IKZF3: variants seen among roughly 807,000 people sequenced by gnomAD.
The protein encoded by IKZF3 is IKAROS family zinc finger 3, also known as zinc finger protein Aiolos.
Under a neutral mutation model 49.0 loss-of-function variants are expected in IKZF3, and 10 were observed. The ratio of observed to expected loss-of-function variants is 0.20; its 90% confidence interval spans 0.13 to 0.35. The LOEUF (loss-of-function observed/expected upper bound fraction) is 0.35, where lower values mean the gene tolerates loss of function less well. IKZF3 is among the 10% of genes least tolerant of loss of function. IKZF3 has a pLI of 1.00. For synonymous variants in IKZF3, 209 were observed against 228.2 expected (o/e 0.92, Z 0.76); for missense variants, 498 against 664.8 (o/e 0.75, Z 2.76).
rs1329519923 is a variant in IKZF3, at chr17:39,762,913, G to A, written c.*2877C>T. 6.6e-6 allele frequency: 1 copy of A among 152,030 alleles called. No individual in the cohort carries two copies. The highest frequency in any genetic ancestry group is 1.9e-4 in the East Asian group (1 of 5,182). The allele number at this position is 152,030 out of a possible 1,614,324, so 9.4% of individuals were successfully genotyped here. The stretch of plus-strand genomic sequence containing the variant: ...AAACAAAAGAAAACAAAAAAAGTTG[G>A]TCTCCTCTGCAAAGACTTGAACACT... On this transcript the variant is annotated 3_prime_UTR_variant, in exon 8 of 8. Coordinates refer to ENST00000346872, the MANE Select transcript of IKZF3 (RefSeq NM_012481.5).
intron 3 of IKZF3, among the ~76,000 whole-genome samples, chr17:39,802,338 A>T (rs2061340380): frequency 6.6e-6 from 1 of 151,664 alleles, no homozygotes; most frequent in African/African-American, 2.4e-5. Context: ...CAGGTGCAAT[A>T]GCTTACATCT....
At chr17:39,784,015 G>A (rs2143798082) in intron 6 of IKZF3, among the ~76,000 whole-genome samples, 1 of 152,332 alleles carries the variant, frequency 6.6e-6, no homozygotes, top group Middle Eastern at 3.4e-3. Flanking sequence ...GGTCTGCTAA[G>A]TTGGTAAAAA....
intron 2 of IKZF3, among the ~76,000 whole-genome samples, chr17:39,830,489 G>A (rs1271236697): frequency 6.6e-6 from 1 of 152,172 alleles, no homozygotes; most frequent in Admixed American, 6.5e-5. Flanking sequence ...GTGAAAGGGA[G>A]CAGACATAAT....
At chr17:39,849,775 C>T (rs1421483846) in intron 1 of IKZF3, among the ~76,000 whole-genome samples, 1 of 151,960 alleles carries the variant, frequency 6.6e-6, no homozygotes, top group South Asian at 2.1e-4. Context: ...AATTACTCAT[C>T]AGGAAAATGC....
intron 3 of IKZF3, among the ~76,000 whole-genome samples, chr17:39,817,082 G>GT (rs2061694807): frequency 1.3e-5 from 2 of 152,218 alleles, no homozygotes; most frequent in African/African-American, 4.8e-5. Context: ...CTCTAGTTGG[G>GT]TAAAGCCTTT....
At chr17:39,843,124 A>G (rs2062528318) in intron 1 of IKZF3, among the ~76,000 whole-genome samples, 1 of 152,192 alleles carries the variant, frequency 6.6e-6, no homozygotes, top group Admixed American at 6.5e-5. Flanking sequence ...ACGAAAAGCA[A>G]TGTGTGATCC....
At chr17:39,855,456 T>A (rs9900538) in intron 1 of IKZF3, among the ~76,000 whole-genome samples, 1 of 152,136 alleles carries the variant, frequency 6.6e-6, no homozygotes, top group Non-Finnish European at 1.5e-5. Context: ...CTCCCCAAAT[T>A]GGATTACGTG....
intron 1 of IKZF3, among the ~76,000 whole-genome samples, chr17:39,848,570 A>C (rs1043134276): frequency 2.6e-5 from 4 of 152,258 alleles, no homozygotes; most frequent in Non-Finnish European, 5.9e-5. Flanking sequence ...TGGAGCCAAA[A>C]ATAGAATCAT....
At chr17:39,808,796 G>A (rs1441898984) in intron 3 of IKZF3, among the ~76,000 whole-genome samples, 1 of 152,240 alleles carries the variant, frequency 6.6e-6, no homozygotes, top group Non-Finnish European at 1.5e-5. Flanking sequence ...CTGATGGTAA[G>A]TAAGGAATAG....
In IKZF3 at chr17:39,765,964, A is replaced by T; in HGVS notation, c.1356T>A (p.Tyr452Ter). ...AGAGGACGCGGCAGTGGTCACACCGATACACATCCATCACCTCCCCTTCCT... is the reference window on the plus strand; with the variant it reads ...AGAGGACGCGGCAGTGGTCACACCGTTACACATCCATCACCTCCCCTTCCT... ...INKEGEVMDV[Y>*]RCDHCRVLFL... The change falls in exon 8 of 8, where the codon TAT becomes TAA. Residue 452 changes from tyrosine (Y) to a stop codon, truncating the protein, a stop_gained. Coordinates refer to ENST00000346872, the MANE Select transcript of IKZF3 (RefSeq NM_012481.5). LOFTEE classifies it high-confidence loss of function. 6.2e-7 allele frequency: 1 copy of T among 1,614,196 alleles called. No homozygotes were observed.
At position 39,813,056 on chromosome 17, in the gene IKZF3, C is replaced by T. The variant is rs560270431; in HGVS notation, c.163+16331G>A. ...GGTGGAGCTTGCAGGGAGCCCAGTT[C>T]GCACCACTGCACTCCAGCCTGGGCG... is the stretch of plus-strand genomic sequence containing the variant. On this transcript the variant is annotated intron_variant, in intron 3 of 7. Transcript: ENST00000346872. Among the ~76,000 whole-genome samples, 183 of 151,662 alleles carry T rather than the reference C, an allele frequency of 1.2e-3. 1 individual carries two copies. In the Middle Eastern group the frequency reaches 0.031, roughly 26 times the overall value.
At chr17:39,815,826 C>T (rs1423272880) in intron 3 of IKZF3, among the ~76,000 whole-genome samples, 1 of 152,158 alleles carries the variant, frequency 6.6e-6, no homozygotes, top group East Asian at 1.9e-4. Flanking sequence ...TTCTTCATTT[C>T]TTCTGCTTTC....
chr17:39,811,177 C>T (rs947339810), intron 3 of IKZF3, among the ~76,000 whole-genome samples: 1 of 148,512 alleles, frequency 6.7e-6, no homozygotes, highest in Non-Finnish European at 1.5e-5. Flanking sequence ...GTCAAGGCTA[C>T]AGTGAACTGT....
intron 1 of IKZF3, among the ~76,000 whole-genome samples, chr17:39,844,796 A>G (rs2062580869): frequency 6.6e-6 from 1 of 151,878 alleles, no homozygotes; most frequent in African/African-American, 2.4e-5. Flanking sequence ...CTAATTTTGT[A>G]TTTTTAGTAG....
Position 39,829,473 on chromosome 17 carries a change from A to G in IKZF3, c.77T>C (p.Leu26Ser), listed in dbSNP as rs2144286488. 1.9e-6 allele frequency: 3 copies of G among 1,613,082 alleles called. No homozygotes were observed. The highest frequency in any genetic ancestry group is 2.5e-6 in the Non-Finnish European group (3 of 1,179,030). The change falls in exon 3 of 8, where the codon TTG becomes TCG. Residue 26 changes from leucine (L) to serine (S), a missense_variant. Leu to Ser is a moderately radical substitution (Grantham distance 145). Around this residue, in one of 3 missense-constraint regions of IKZF3, gnomAD observed 97 missense variants for 98.9 expected, o/e 0.98. Coordinates refer to ENST00000346872, the MANE Select transcript of IKZF3 (RefSeq NM_012481.5). ...QSVPAESAAV[L>S]NDYSLTKSHE... The stretch of plus-strand genomic sequence containing the variant: ...AGATTTGGTTAAACTGTAGTCATTC[A>G]AAACCGCTGCACTTTCTAAAAGATA...
intron 3 of IKZF3, among the ~76,000 whole-genome samples, chr17:39,813,592 C>T (rs746713491): frequency 1.3e-5 from 2 of 150,282 alleles, no homozygotes; most frequent in African/African-American, 2.5e-5. Context: ...TGCAGTGAGC[C>T]GAGATCGTGC....
At chr17:39,855,986 T>G (rs941450103) in intron 1 of IKZF3, among the ~76,000 whole-genome samples, 1 of 151,060 alleles carries the variant, frequency 6.6e-6, no homozygotes, top group African/African-American at 2.4e-5. Context: ...CAATATAACA[T>G]GTATATTGTA....
At chr17:39,809,506 G>T (rs752987813) in intron 3 of IKZF3, among the ~76,000 whole-genome samples, 5 of 152,256 alleles carry the variant, frequency 3.3e-5, no homozygotes, top group Non-Finnish European at 7.4e-5. Context: ...TGTGTGTGAC[G>T]CTTTAAAATC....
intron 6 of IKZF3, among the ~76,000 whole-genome samples, chr17:39,785,487 A>G (rs1419762380): frequency 1.3e-5 from 2 of 152,084 alleles, no homozygotes; most frequent in African/African-American, 4.8e-5. Flanking sequence ...TTCCTGAATC[A>G]CCTAATATCA....
Sources: allele counts gnomAD v4.1 joint callset (sites outside exome capture counted in the v4.1 genomes callset), GRCh38; gene constraint gnomAD v4.1.1; regional missense constraint gnomAD v4.1.1; transcripts MANE v1.5; gene names NCBI Gene and HGNC (gene_info 2026-07-23, HGNC 2026-07-21).